Variants in FPR2 observed in about 807,000 individuals in gnomAD.
FPR2 encodes N-formyl peptide receptor 2.
Under a neutral mutation model 4.0 loss-of-function variants are expected in FPR2, and 3 were observed. The observed-to-expected ratio is 0.74, with a 90% CI of 0.34 to 1.92. FPR2 has a LOEUF of 1.92. Among genes scored for constraint, FPR2 ranks in the 30% most tolerant of loss-of-function variants. The pLI, the probability that FPR2 is intolerant of heterozygous loss-of-function variation, is 0.07. For synonymous variants in FPR2, 179 were observed against 171.5 expected (o/e 1.04, Z -0.34); for missense variants, 372 against 435.7 (o/e 0.85, Z 1.30).
At chr19:51,767,906 T>C (rs2083876785) in intron 1 of FPR2, among the ~76,000 whole-genome samples, 2 of 152,160 alleles carry the variant, frequency 1.3e-5, no homozygotes, top group Non-Finnish European at 2.9e-5. Flanking sequence ...ATTATTCTTA[T>C]AGTCTTTATC....
chr19:51,761,258 T>G (rs1032273985), intron 1 of FPR2, 28 bp downstream of exon 1: 23 of 152,200 alleles, frequency 1.5e-4, no homozygotes, highest in African/African-American at 4.8e-4. Context: ...AATTTAAAAT[T>G]TATCAATGGA....
intron 1 of FPR2, among the ~76,000 whole-genome samples, chr19:51,761,874 C>T (rs866370939): frequency 1.6e-4 from 25 of 152,196 alleles, no homozygotes; most frequent in African/African-American, 6.0e-4. Flanking sequence ...ACAGAGAAGG[C>T]AGAAGCCCCG....
intron 1 of FPR2, among the ~76,000 whole-genome samples, chr19:51,764,298 CA>C (rs1393097218): frequency 1.3e-5 from 2 of 152,078 alleles, no homozygotes; most frequent in Non-Finnish European, 2.9e-5. Flanking sequence ...GACTGAGGGT[CA>C]GGGGAGGACC....
chr19:51,767,575 C>T (rs1444896094), intron 1 of FPR2, among the ~76,000 whole-genome samples: 2 of 152,038 alleles, frequency 1.3e-5, no homozygotes, highest in African/African-American at 4.8e-5. Context: ...ACCTTCTCTG[C>T]AGGGTGAGTA....
chr19:51,765,070 A>G (rs1231348004), intron 1 of FPR2, among the ~76,000 whole-genome samples: 2 of 152,148 alleles, frequency 1.3e-5, no homozygotes, highest in Non-Finnish European at 2.9e-5. Flanking sequence ...CAAGTGATCC[A>G]CCTGTCTTGG....
At chr19:51,764,984 G>A (rs1334939793) in intron 1 of FPR2, among the ~76,000 whole-genome samples, 5 of 152,070 alleles carry the variant, frequency 3.3e-5, no homozygotes, top group Non-Finnish European at 7.4e-5. Context: ...CCACCACCAT[G>A]CCCAGCTAAT....
intron 1 of FPR2, among the ~76,000 whole-genome samples, chr19:51,761,819 C>A (rs1290111876): frequency 6.6e-6 from 1 of 151,926 alleles, no homozygotes; most frequent in Non-Finnish European, 1.5e-5. Flanking sequence ...TGTGAAGGAG[C>A]CAAGTGTGAG....
rs1453813675 is a variant in FPR2 at position 51,769,480 on chromosome 19, T to C, written c.822T>C (p.Tyr274=). Residue 274 remains tyrosine (Y), a synonymous_variant, in exon 2 of 2, where the codon TAT becomes TAC. Coordinates refer to ENST00000340023, the MANE Select transcript of FPR2 (RefSeq NM_001005738.2). The surrounding 1 kb of genome is among the most constrained non-coding windows in gnomAD (Gnocchi z 4.4). ...GTVWLKEMLF[Y]GKYKIIDILV... The stretch of plus-strand genomic sequence containing the variant: ...TCTGGCTCAAAGAGATGTTGTTCTA[T>C]GGCAAGTACAAAATCATTGACATCC... 3.7e-6 allele frequency: 6 copies of C among 1,614,236 alleles called. No individual in the cohort carries two copies. Among genetic ancestry groups the C allele is most frequent in the Non-Finnish European group, 5.1e-6 (6 of 1,180,040 alleles).
rs766456681 is a variant in FPR2 at position 51,769,031 on chromosome 19, A to T, written c.373A>T (p.Ile125Phe). ...LIGFIALDRC[I>F]CVLHPVWAQN... is the part of the protein sequence containing the mutation. ...TGGTTTCATTGCACTGGACCGCTGCATTTGTGTCCTGCATCCAGTCTGGGC... is the reference window on the plus strand; with the variant it reads ...TGGTTTCATTGCACTGGACCGCTGCTTTTGTGTCCTGCATCCAGTCTGGGC... The change falls in exon 2 of 2, where the codon ATT (isoleucine) becomes TTT (phenylalanine). Residue 125 changes from isoleucine (I) to phenylalanine (F), a missense_variant. Transcript: ENST00000340023. This position sits in a 1 kb window ranked among gnomAD's most constrained non-coding sequence, Gnocchi z 4.4. 6.2e-7 allele frequency: 1 copy of T among 1,613,998 alleles called. No homozygotes were observed. The highest frequency in any genetic ancestry group is 8.5e-7 in the Non-Finnish European group (1 of 1,180,024).
At position 51,769,143 on chromosome 19, in the gene FPR2, T is replaced by A. The variant is rs778748775; in HGVS notation, c.485T>A (p.Leu162His). The A allele has an allele frequency of 2.5e-5, 40 of 1,614,118 alleles. No homozygotes were observed. Among genetic ancestry groups the A allele is most frequent in the Non-Finnish European group, 3.2e-5 (38 of 1,180,052 alleles). The change falls in exon 2 of 2, where the codon CTC (leucine) becomes CAC (histidine). Residue 162 changes from leucine (L) to histidine (H), a missense_variant. Physicochemically the swap from Leu to His is moderately conservative, Grantham distance 99. Coordinates refer to ENST00000340023, the MANE Select transcript of FPR2 (RefSeq NM_001005738.2). The surrounding 1 kb of genome is among the most constrained non-coding windows in gnomAD (Gnocchi z 4.4). ...CTAGTCCTTACCTTGCCAGTTTTCCTCTTTTTGACTACAGTAACTATTCCA... is the reference window on the plus strand; with the variant it reads ...CTAGTCCTTACCTTGCCAGTTTTCCACTTTTTGACTACAGTAACTATTCCA... ...LALVLTLPVFLFLTTVTIPNG... is the reference protein window; with the variant it reads ...LALVLTLPVFHFLTTVTIPNG...
rs1568646667 is a variant in FPR2, at chr19:51,770,397, G to GT, written c.*687dup. 1 of 166,962 alleles carries GT rather than the reference G, an allele frequency of 6.0e-6. No individual in the cohort carries two copies. The highest frequency in any genetic ancestry group is 1.5e-5 in the Non-Finnish European group (1 of 68,116). 10.3% of individuals were successfully genotyped at this position (166,962 alleles called of 1,614,324 possible). On this transcript the variant is annotated 3_prime_UTR_variant, in exon 2 of 2. Coordinates refer to ENST00000340023, the MANE Select transcript of FPR2 (RefSeq NM_001005738.2). ...TCACTTTTTCTACTATCCTTGCTAA[G>GT]TTTTCATAGAAAATAAGGAACAAAG...
rs766221747 is a variant in FPR2 at position 51,768,932 on chromosome 19, C to A, written c.274C>A (p.Pro92Thr). 8 of 1,614,174 alleles carry A rather than the reference C, an allele frequency of 5.0e-6. No homozygotes were observed. The South Asian group carries it at 7.7e-5, about 16-fold the overall frequency. The change falls in exon 2 of 2, where the codon CCT becomes ACT. Residue 92 changes from proline to threonine, a missense_variant. Transcript: ENST00000340023. ...CTCCATGGCCATGGGAGAAAAATGG[C>A]CTTTTGGCTGGTTCCTGTGTAAGTT... ...IVSMAMGEKW[P>T]FGWFLCKLIH...
Position 51,768,870 on chromosome 19 carries a change from A to G in FPR2, c.212A>G (p.Asp71Gly). 5 of 1,614,128 alleles carry G rather than the reference A, an allele frequency of 3.1e-6. No individual in the cohort carries two copies. Among genetic ancestry groups the G allele is most frequent in the Non-Finnish European group, 4.2e-6 (5 of 1,180,024 alleles). ...TGTTACCTGAACCTGGCCCTGGCTG[A>G]CTTTTCTTTCACGGCCACATTACCA... is the stretch of plus-strand genomic sequence containing the variant. Reference protein sequence around the residue: ...TICYLNLALADFSFTATLPFL... With the variant: ...TICYLNLALAGFSFTATLPFL... Residue 71 changes from aspartate to glycine, a missense_variant, in exon 2 of 2, where the codon GAC (aspartate) becomes GGC (glycine). Asp to Gly is a moderately conservative substitution (Grantham distance 94, BLOSUM62 -1). Coordinates refer to ENST00000340023, the MANE Select transcript of FPR2 (RefSeq NM_001005738.2).
chr19:51,764,381 G>A (rs1321041724), intron 1 of FPR2, among the ~76,000 whole-genome samples: 1 of 152,156 alleles, frequency 6.6e-6, no homozygotes, highest in Non-Finnish European at 1.5e-5. Flanking sequence ...TGCTGAGAGT[G>A]GGAAAAACAG....
In FPR2 at chr19:51,769,530, C is replaced by A; in HGVS notation, c.872C>A (p.Ala291Asp). 1 of 1,614,198 alleles carries A rather than the reference C, an allele frequency of 6.2e-7. No homozygotes were observed. Among genetic ancestry groups the A allele is most frequent in the Non-Finnish European group, 8.5e-7 (1 of 1,180,026 alleles). Residue 291 changes from alanine to aspartate, a missense_variant, in exon 2 of 2, where the codon GCC becomes GAC. Transcript: ENST00000340023. The surrounding 1 kb of genome is among the most constrained non-coding windows in gnomAD (Gnocchi z 4.4). ...DILVNPTSSL[A>D]FFNSCLNPML... ...CTGGTTAACCCAACGAGCTCCCTGG[C>A]CTTCTTCAACAGCTGCCTCAACCCC...
intron 1 of FPR2, among the ~76,000 whole-genome samples, chr19:51,765,515 G>A (rs1186242442): frequency 1.3e-5 from 2 of 152,218 alleles, no homozygotes; most frequent in African/African-American, 4.8e-5. Flanking sequence ...GGAGTGCTCA[G>A]TGTTCACACA....
At chr19:51,762,166 A>G (rs892021288) in intron 1 of FPR2, among the ~76,000 whole-genome samples, 1 of 151,442 alleles carries the variant, frequency 6.6e-6, no homozygotes, top group South Asian at 2.1e-4. Context: ...GCTCACTGCA[A>G]ACTCTGCCTC....
At chr19:51,765,376 T>C (rs1319849765) in intron 1 of FPR2, among the ~76,000 whole-genome samples, 1 of 152,210 alleles carries the variant, frequency 6.6e-6, no homozygotes, top group African/African-American at 2.4e-5. Context: ...ATCTGTACAA[T>C]GGTTATACTA....
intron 1 of FPR2, among the ~76,000 whole-genome samples, chr19:51,763,760 T>C (rs749904213): frequency 1.3e-5 from 2 of 151,482 alleles, no homozygotes; most frequent in Admixed American, 1.3e-4. Context: ...AGTTTTGTTG[T>C]TGTTTGTTTG....
Sources: allele counts gnomAD v4.1 joint callset (sites outside exome capture counted in the v4.1 genomes callset), GRCh38; gene constraint gnomAD v4.1.1; non-coding constraint Gnocchi (gnomAD v3.1); transcripts MANE v1.5; gene names NCBI Gene and HGNC (gene_info 2026-07-23, HGNC 2026-07-21).